The following ZMYM4 variants were observed in gnomAD, a reference collection of about 807,000 sequenced individuals.
The protein encoded by ZMYM4 is zinc finger MYM-type containing 4, also known as zinc finger MYM-type protein 4.
In ZMYM4, 31 loss-of-function variants were observed where a neutral mutation model predicts 183.2. The ratio of observed to expected loss-of-function variants is 0.17; its 90% CI spans 0.13 to 0.23. The LOEUF (loss-of-function observed/expected upper bound fraction) is 0.23, where lower values mean the gene tolerates loss of function less well. Among genes scored for constraint, ZMYM4 ranks in the 10% least tolerant of loss-of-function variants. The pLI, the probability that ZMYM4 is intolerant of heterozygous loss-of-function variation, is 1.00. For synonymous variants in ZMYM4, 592 were observed against 631.2 expected, an observed-to-expected ratio of 0.94 and a Z score of 0.93; for missense variants, 1,273 against 1,840.3, an observed-to-expected ratio of 0.69 and a Z score of 5.64.
At chr1:35,315,383 A>G (rs1454212820) in intron 1 of ZMYM4, among the ~76,000 whole-genome samples, 6 of 152,126 alleles carry the variant, frequency 3.9e-5, no homozygotes, top group Non-Finnish European at 2.9e-5. Flanking sequence ...TTTGGTTTTT[A>G]TTTTATATAA....
At chr1:35,271,457 C>T (rs376939000) in intron 1 of ZMYM4, among the ~76,000 whole-genome samples, 10 of 152,180 alleles carry the variant, frequency 6.6e-5, no homozygotes, top group African/African-American at 2.4e-4. Flanking sequence ...GGCTAGAGTG[C>T]GGTGGCGCAA....
Position 35,418,504 on chromosome 1 carries a change from G to C in ZMYM4, c.4371G>C (p.Glu1457Asp), listed in dbSNP as rs1558211473. ...NEDDEVPVGV[E>D]MAENTDNPLR... ...ATGATGAGGTTCCAGTGGGGGTGGAGATGGCAGAGAATACTGACAATCCAC... is the reference window on the plus strand; with the variant it reads ...ATGATGAGGTTCCAGTGGGGGTGGACATGGCAGAGAATACTGACAATCCAC... The change falls in exon 29 of 30, where the codon GAG (glutamate) becomes GAC (aspartate). Residue 1457 changes from glutamate to aspartate, a missense_variant. Glu to Asp is a conservative substitution (Grantham distance 45). Coordinates refer to ENST00000314607, the MANE Select transcript of ZMYM4 (RefSeq NM_005095.3). The C allele has an allele frequency of 6.2e-7, 1 of 1,614,130 alleles. No individual in the cohort carries two copies. Among genetic ancestry groups the C allele is most frequent in the African/African-American group, 1.3e-5 (1 of 75,052 alleles).
chr1:35,374,146 C>T (rs1363385350), intron 7 of ZMYM4, among the ~76,000 whole-genome samples: 4 of 150,258 alleles, frequency 2.7e-5, no homozygotes, highest in African/African-American at 9.8e-5. Context: ...ATTCTCTTGC[C>T]TCAGCCTCCC....
At chr1:35,301,633 C>G (rs1641283285) in intron 1 of ZMYM4, among the ~76,000 whole-genome samples, 2 of 151,064 alleles carry the variant, frequency 1.3e-5, no homozygotes, top group Admixed American at 1.3e-4. Context: ...AGGAATTGTT[C>G]TGCCCGCTTT....
chr1:35,394,974 T>G (rs1193111659), intron 18 of ZMYM4, among the ~76,000 whole-genome samples: 1 of 152,012 alleles, frequency 6.6e-6, no homozygotes. Context: ...AGTCCCAGAA[T>G]TTTTAAACTA....
At chr1:35,409,737 C>G (rs899530636) in intron 26 of ZMYM4, among the ~76,000 whole-genome samples, 1 of 151,914 alleles carries the variant, frequency 6.6e-6, no homozygotes, top group East Asian at 1.9e-4. Context: ...GTCAGGAGTT[C>G]GAGACCAGCC....
chr1:35,379,313 A>G (rs929722655), intron 7 of ZMYM4, among the ~76,000 whole-genome samples: 11 of 152,126 alleles, frequency 7.2e-5, no homozygotes, highest in Non-Finnish European at 1.6e-4. Flanking sequence ...GTTGGCCAGA[A>G]TGGTCTGGAT....
intron 2 of ZMYM4, among the ~76,000 whole-genome samples, chr1:35,354,679 A>G (rs1289445899): frequency 7.3e-6 from 1 of 137,548 alleles, no homozygotes; most frequent in African/African-American, 2.7e-5. Flanking sequence ...GTGAGCCAGG[A>G]TGGCACCACT....
chr1:35,403,010 G>A lies in ZMYM4; in HGVS notation c.3529-2013G>A, dbSNP rs368768296. The stretch of plus-strand genomic sequence containing the variant: ...TGATGTTACCTGTAGGTTTCTCATA[G>A]GTGGTTTCTATCAGGTTGAAGAAGT... On this transcript the variant is annotated intron_variant, in intron 23 of 29. Coordinates refer to ENST00000314607, the MANE Select transcript of ZMYM4 (RefSeq NM_005095.3). 7.2e-5 allele frequency among the ~76,000 whole-genome samples: 11 copies of A among 152,294 alleles called. No individual in the cohort carries two copies. The East Asian group carries it at 1.7e-3, about 24-fold the overall frequency.
rs1220168479 is a variant in ZMYM4, at chr1:35,370,396, A to G, written c.950A>G (p.Gln317Arg). The G allele has an allele frequency of 5.3e-6, 8 of 1,496,966 alleles. No homozygotes were observed. Among genetic ancestry groups the G allele is most frequent in the Non-Finnish European group, 6.2e-6 (7 of 1,130,300 alleles). 92.7% of individuals were successfully genotyped at this position (1,496,966 alleles called of 1,614,324 possible). The change falls in exon 7 of 30, where the codon CAG (glutamine) becomes CGG (arginine). Residue 317 changes from glutamine (Q) to arginine (R), a missense_variant. Physicochemically the swap from Gln to Arg is conservative, Grantham distance 43. Coordinates refer to ENST00000314607, the MANE Select transcript of ZMYM4 (RefSeq NM_005095.3). Reference sequence around the variant, plus strand: ...GCTCCACAGTTGACTACTGGCTTTCAGCCCTCACTGGCGTCATCTGGCATG... The same window carrying G: ...GCTCCACAGTTGACTACTGGCTTTCGGCCCTCACTGGCGTCATCTGGCATG... The part of the protein sequence containing the change: ...PLAPQLTTGF[Q>R]PSLASSGMNK...
intron 22 of ZMYM4, 152 bp downstream of exon 22, chr1:35,399,195 T>G (rs947653032): frequency 4.4e-6 from 4 of 912,964 alleles, no homozygotes; most frequent in Non-Finnish European, 6.5e-6. Context: ...AGACCCTGGC[T>G]TTGTAGGTGT....
chr1:35,367,274 C>T (rs544004691), intron 5 of ZMYM4, among the ~76,000 whole-genome samples: 21 of 151,418 alleles, frequency 1.4e-4, no homozygotes, highest in Non-Finnish European at 2.2e-4. Context: ...GGCTGGAGTG[C>T]AATGGTGCAA....
chr1:35,354,858 A>G (rs1643758615), intron 2 of ZMYM4, among the ~76,000 whole-genome samples: 1 of 151,220 alleles, frequency 6.6e-6, no homozygotes, highest in African/African-American at 2.4e-5. Flanking sequence ...TACCAGCAGT[A>G]TTTGACTGCA....
chr1:35,317,232 A>C (rs549072001), intron 1 of ZMYM4, among the ~76,000 whole-genome samples: 1 of 151,640 alleles, frequency 6.6e-6, no homozygotes, highest in Non-Finnish European at 1.5e-5. Context: ...CTGGAGTTCG[A>C]GACCAGCTTG....
At chr1:35,277,702 C>T (rs1639941320) in intron 1 of ZMYM4, among the ~76,000 whole-genome samples, 1 of 152,044 alleles carries the variant, frequency 6.6e-6, no homozygotes, top group South Asian at 2.1e-4. Flanking sequence ...ATTCCCTCAT[C>T]AATTATTTGG....
chr1:35,373,704 AT>A (rs780954791), intron 7 of ZMYM4, among the ~76,000 whole-genome samples: 9 of 150,546 alleles, frequency 6.0e-5, no homozygotes, highest in Non-Finnish European at 1.0e-4. Context: ...TGCACGGCTA[AT>A]TTTTTATATG....
intron 3 of ZMYM4, 32 bp from the exon 4 acceptor site, chr1:35,361,162 G>T (rs1200976443): frequency 1.3e-6 from 2 of 1,539,860 alleles, no homozygotes; most frequent in Admixed American, 2.0e-5. Context: ...TCATATACAT[G>T]TGTTTGTTTG....
chr1:35,277,464 C>A (rs181845830), intron 1 of ZMYM4, among the ~76,000 whole-genome samples: 9 of 152,250 alleles, frequency 5.9e-5, no homozygotes, highest in Admixed American at 2.0e-4. Flanking sequence ...TTAGATGGGG[C>A]TGTGAATTCT....
chr1:35,332,770 C>T (rs1023260834), intron 2 of ZMYM4, among the ~76,000 whole-genome samples: 5 of 152,158 alleles, frequency 3.3e-5, no homozygotes, highest in Non-Finnish European at 7.3e-5. Context: ...TCATAATTCA[C>T]TCTGACCTCG....
Sources: allele counts gnomAD v4.1 joint callset (sites outside exome capture counted in the v4.1 genomes callset), GRCh38; gene constraint gnomAD v4.1.1; transcripts MANE v1.5; gene names NCBI Gene and HGNC (gene_info 2026-07-23, HGNC 2026-07-21).